Variants in FRMPD4 observed in about 807,000 individuals in gnomAD.
FRMPD4 encodes the protein FERM and PDZ domain containing 4.
FRMPD4 carries 22 observed loss-of-function variants against 94.1 expected under a neutral mutation model. The ratio of observed to expected loss-of-function variants is 0.23; its 90% CI spans 0.17 to 0.33. The LOEUF is 0.33. Ranked by LOEUF, FRMPD4 falls within the 10% of genes least tolerant of loss-of-function variation. The pLI, the probability that FRMPD4 is intolerant of heterozygous loss-of-function variation, is 1.00. For synonymous variants in FRMPD4, 631 were observed against 548.6 expected, an observed-to-expected ratio of 1.15 and a Z score of -2.10; for missense variants, 1,111 against 1,339.9, an observed-to-expected ratio of 0.83 and a Z score of 2.67.
At chrX:12,538,165 C>A (rs1210802994) in intron 2 of FRMPD4, among the ~76,000 whole-genome samples, 3 of 111,666 alleles carry the variant, frequency 2.7e-5, no homozygotes, top group Non-Finnish European at 3.8e-5. Context: ...TAGCAAACGG[C>A]ACACCACGAG....
Position 11,893,353 on chromosome X carries a change from C to A in FRMPD4, c.95+15335C>A, listed in dbSNP as rs147870489. ...TAGATTTTGATTCAGAATAGCACTG[C>A]TGTTAAGAACTCCTTCCTGTAGAGA... On this transcript the variant is annotated intron_variant, in intron 3 of 18. Coordinates refer to the FRMPD4 transcript ENST00000640291. Among the ~76,000 whole-genome samples the A allele has an allele frequency of 4.8e-3, 533 of 112,059 alleles. 4 individuals carry two copies. Among genetic ancestry groups the A allele is most frequent in the African/African-American group, 0.017 (514 of 30,866 alleles).
In FRMPD4 at chrX:11,898,639, C is replaced by T. The variant is rs890291599; in HGVS notation, c.95+20621C>T. Among the ~76,000 whole-genome samples, 4 of 111,667 alleles carry T rather than the reference C, an allele frequency of 3.6e-5. No individual in the cohort carries two copies. The Admixed American group carries it at 3.8e-4, about 11-fold the overall frequency. Reference sequence around the variant, plus strand: ...TGTATCAAAACATCACATTGTACTCCATAAATATATACAATTATGACTTGT... The same window carrying T: ...TGTATCAAAACATCACATTGTACTCTATAAATATATACAATTATGACTTGT... On this transcript the variant is annotated intron_variant, in intron 3 of 18. Coordinates refer to the FRMPD4 transcript ENST00000640291.
chrX:12,292,201 C>G (rs970754053), intron 1 of FRMPD4, among the ~76,000 whole-genome samples: 3 of 111,742 alleles, frequency 2.7e-5, no homozygotes, highest in Non-Finnish European at 5.6e-5. Context: ...GGAAGCAGGA[C>G]TTCGCTTTGG....
At chrX:12,193,826 G>A (rs757569340) in intron 1 of FRMPD4, among the ~76,000 whole-genome samples, 178 of 17,704 alleles carry the variant, frequency 0.01, 41 homozygotes, top group East Asian at 0.097. Flanking sequence ...AAGGAAGGAA[G>A]GAGGGAAGGA....
chrX:12,358,749 C>A (rs2055934067), intron 1 of FRMPD4, among the ~76,000 whole-genome samples: 1 of 111,725 alleles, frequency 9.0e-6, no homozygotes, highest in African/African-American at 3.3e-5. Context: ...AATTCTAGTT[C>A]TCTAAGCGGA....
intron 2 of FRMPD4, among the ~76,000 whole-genome samples, chrX:12,578,294 C>A (rs1403545493): frequency 8.9e-6 from 1 of 112,532 alleles, no homozygotes; most frequent in African/African-American, 3.2e-5. Flanking sequence ...TAGGACTGCT[C>A]ACCCGCTGGT....
At chrX:12,150,336 C>T (rs1418262164) in intron 1 of FRMPD4, among the ~76,000 whole-genome samples, 1 of 112,075 alleles carries the variant, frequency 8.9e-6, no homozygotes, top group Non-Finnish European at 1.9e-5. Flanking sequence ...GATCTGCTGT[C>T]ACTGCTGATT....
intron 1 of FRMPD4, among the ~76,000 whole-genome samples, chrX:11,853,469 A>C (rs1336903322): frequency 9.0e-6 from 1 of 111,403 alleles, no homozygotes; most frequent in Non-Finnish European, 1.9e-5. Flanking sequence ...AAAAATTAAA[A>C]ATATATATTG....
chrX:12,071,708 C>T (rs1295063443), intron 3 of FRMPD4, among the ~76,000 whole-genome samples: 1 of 111,332 alleles, frequency 9.0e-6, no homozygotes, highest in Admixed American at 9.6e-5. Flanking sequence ...AATTGTGAGG[C>T]TGATATAGCC....
chrX:12,627,605 A>T (rs2059358773), intron 4 of FRMPD4, among the ~76,000 whole-genome samples: 2 of 112,247 alleles, frequency 1.8e-5, no homozygotes. Context: ...AGTTCATAAA[A>T]GCTATAATGA....
intron 1 of FRMPD4, among the ~76,000 whole-genome samples, chrX:12,323,787 T>A (rs1056825417): frequency 5.4e-5 from 6 of 111,153 alleles, no homozygotes; most frequent in African/African-American, 2.0e-4. Context: ...GCAACTGGAG[T>A]CCCTGAGTGT....
chrX:12,124,482 A>G (rs1263725156), intron 3 of FRMPD4, among the ~76,000 whole-genome samples: 1 of 111,678 alleles, frequency 9.0e-6, no homozygotes, highest in Non-Finnish European at 1.9e-5. Context: ...CCTCCAAAAT[A>G]TGAAAATAAG....
At chrX:12,720,045 G>A (rs867893584) in intron 16 of FRMPD4, among the ~76,000 whole-genome samples, 1 of 13,024 alleles carries the variant, frequency 7.7e-5, no homozygotes, top group Non-Finnish European at 2.3e-4. Flanking sequence ...GAAAGGAAAG[G>A]AAAGGAAAGA....
chrX:12,229,541 C>T (rs141149914), intron 1 of FRMPD4, among the ~76,000 whole-genome samples: 110 of 111,587 alleles, frequency 9.9e-4, no homozygotes, highest in African/African-American at 3.3e-3. Context: ...CTGAGCTCCA[C>T]GTAGGTCTCC....
At chrX:12,516,237 C>A in intron 2 of FRMPD4, among the ~76,000 whole-genome samples, 1 of 111,793 alleles carries the variant, frequency 8.9e-6, no homozygotes, top group Non-Finnish European at 1.9e-5. Flanking sequence ...TTAATACTGT[C>A]ATCATGATGC....
chrX:11,955,771 G>C, intron 3 of FRMPD4, among the ~76,000 whole-genome samples: 1 of 106,449 alleles, frequency 9.4e-6, no homozygotes, highest in East Asian at 3.0e-4. Flanking sequence ...AAAGGAAAAA[G>C]AATCAGCCAG....
chrX:11,862,863 T>C (rs186093319), intron 1 of FRMPD4, among the ~76,000 whole-genome samples: 399 of 110,776 alleles, frequency 3.6e-3, no homozygotes, highest in African/African-American at 0.012. Context: ...ATAATCTACA[T>C]TTGATCTCAT....
chrX:12,110,589 G>T (rs2055350383), intron 3 of FRMPD4, among the ~76,000 whole-genome samples: 1 of 111,047 alleles, frequency 9.0e-6, no homozygotes, highest in East Asian at 2.8e-4. Context: ...GCAGGAGAAA[G>T]AAATAAAGGA....
At chrX:11,864,381 A>G (rs2053706655) in intron 1 of FRMPD4, among the ~76,000 whole-genome samples, 1 of 109,409 alleles carries the variant, frequency 9.1e-6, no homozygotes, top group Non-Finnish European at 1.9e-5. Context: ...AGGTCAGAGG[A>G]AGCCACCTAG....
Sources: allele counts gnomAD v4.1 joint callset (sites outside exome capture counted in the v4.1 genomes callset), GRCh38; gene constraint gnomAD v4.1.1; transcripts MANE v1.5; gene names NCBI Gene and HGNC (gene_info 2026-07-23, HGNC 2026-07-21).